Variants in RTN1 observed in about 807,000 individuals in gnomAD.
RTN1 encodes the protein reticulon-1.
A neutral mutation model predicts 65.5 loss-of-function variants in RTN1; 25 were observed. The observed-to-expected ratio is 0.38, with a 90% CI of 0.28 to 0.53. The LOEUF is 0.53. Among genes scored for constraint, RTN1 ranks in the 20% least tolerant of loss-of-function variants. The pLI, the probability that RTN1 is intolerant of heterozygous loss-of-function variation, is 0.79. For missense variants in RTN1, 983 were observed against 1,025.4 expected, an observed-to-expected ratio of 0.96 and a Z score of 0.57; for synonymous variants, 471 against 447.6, an observed-to-expected ratio of 1.05 and a Z score of -0.66.
At chr14:59,704,214 T>C (rs10138093) in intron 3 of RTN1, among the ~76,000 whole-genome samples, 63,355 of 152,000 alleles carry the variant, frequency 0.42, 13,763 homozygotes, top group African/African-American at 0.53. Context: ...TCCAGGGACT[T>C]GCAGTCCCAG....
intron 3 of RTN1, among the ~76,000 whole-genome samples, chr14:59,726,203 G>A (rs985825613): frequency 6.6e-6 from 1 of 152,184 alleles, no homozygotes; most frequent in African/African-American, 2.4e-5. Context: ...GAAAACAAAT[G>A]ACTTCCATTT....
intron 2 of RTN1, among the ~76,000 whole-genome samples, chr14:59,728,576 T>A (rs1391357046): frequency 6.6e-6 from 1 of 152,106 alleles, no homozygotes; most frequent in Non-Finnish European, 1.5e-5. Context: ...ATGACAACAG[T>A]GTTCAAGAGT....
intron 3 of RTN1, among the ~76,000 whole-genome samples, chr14:59,717,916 T>A (rs1164809954): frequency 2.0e-5 from 3 of 152,188 alleles, no homozygotes; most frequent in Non-Finnish European, 4.4e-5. Flanking sequence ...GTTCTCTGCC[T>A]ACAATTAACT....
At chr14:59,799,978 T>A (rs1202996821) in intron 1 of RTN1, among the ~76,000 whole-genome samples, 1 of 152,066 alleles carries the variant, frequency 6.6e-6, no homozygotes, top group African/African-American at 2.4e-5. Context: ...AGAATTCCTA[T>A]CTCCACCCCC....
At chr14:59,772,716 T>C (rs1284356845) in intron 1 of RTN1, among the ~76,000 whole-genome samples, 3 of 152,156 alleles carry the variant, frequency 2.0e-5, no homozygotes, top group South Asian at 2.1e-4. Flanking sequence ...ACGAGGCTCA[T>C]AGTCTTTGTC....
intron 3 of RTN1, among the ~76,000 whole-genome samples, chr14:59,723,262 AGAC>A (rs1884684752): frequency 6.6e-6 from 1 of 152,208 alleles, no homozygotes; most frequent in Non-Finnish European, 1.5e-5. Flanking sequence ...TTTGGCAAGA[AGAC>A]AGTCAGTTTC....
chr14:59,844,364 TCTCA>T (rs1594764447), intron 1 of RTN1, among the ~76,000 whole-genome samples: 1 of 152,228 alleles, frequency 6.6e-6, no homozygotes, highest in Non-Finnish European at 1.5e-5. Flanking sequence ...GCTAATTTTT[TCTCA>T]CTGTCTCGAA....
intron 3 of RTN1, among the ~76,000 whole-genome samples, chr14:59,705,250 C>G (rs1049196820): frequency 2.0e-5 from 3 of 152,286 alleles, no homozygotes; most frequent in Non-Finnish European, 2.9e-5. Context: ...CCCTCTACCC[C>G]CTACCCCAAC....
At chr14:59,639,566 A>G (rs867620577) in intron 3 of RTN1, among the ~76,000 whole-genome samples, 1 of 152,290 alleles carries the variant, frequency 6.6e-6, no homozygotes, top group African/African-American at 2.4e-5. Flanking sequence ...CCTCCAGTAT[A>G]ATGATGAGTA....
intron 3 of RTN1, among the ~76,000 whole-genome samples, chr14:59,679,395 A>T (rs1490884896): frequency 6.6e-6 from 1 of 152,144 alleles, no homozygotes; most frequent in Non-Finnish European, 1.5e-5. Context: ...AAGGCTAGAG[A>T]CTGGAGCTCT....
chr14:59,721,669 GTTGTGTAC>G (rs1348916821), intron 3 of RTN1, among the ~76,000 whole-genome samples: 2 of 152,162 alleles, frequency 1.3e-5, no homozygotes, highest in African/African-American at 4.8e-5. Flanking sequence ...TGGGTCACTG[GTTGTGTAC>G]TTTAGGGTTC....
At chr14:59,635,650 GAAA>G in intron 3 of RTN1, among the ~76,000 whole-genome samples, 1 of 152,122 alleles carries the variant, frequency 6.6e-6, no homozygotes, top group Middle Eastern at 3.4e-3. Flanking sequence ...CAGCGGAAAA[GAAA>G]ATAATTAGAA....
chr14:59,758,365 C>T (rs1353322957), intron 1 of RTN1, among the ~76,000 whole-genome samples: 1 of 152,188 alleles, frequency 6.6e-6, no homozygotes, highest in Non-Finnish European at 1.5e-5. Flanking sequence ...CTTTGCCCAT[C>T]CCTTGGCTTA....
intron 1 of RTN1, among the ~76,000 whole-genome samples, chr14:59,762,501 T>C (rs933469704): frequency 4.6e-5 from 7 of 152,142 alleles, no homozygotes; most frequent in African/African-American, 1.2e-4. Flanking sequence ...CAGCCAGAAG[T>C]GGCAGAAGCA....
rs943761270 is a variant in RTN1, at chr14:59,848,417, T to G, written c.241+21973A>C. ...TTAACAGAATTCCTTTATCATCAGA[T>G]AGTTTTAATCATAACTGTCAAGAAT... On this transcript the variant is annotated intron_variant, in intron 1 of 8. Coordinates refer to ENST00000267484, the MANE Select transcript of RTN1 (RefSeq NM_021136.3). Among the ~76,000 whole-genome samples, 3 of 152,250 alleles carry G rather than the reference T, an allele frequency of 2.0e-5. No individual in the cohort carries two copies. The East Asian group carries it at 5.8e-4, about 29-fold the overall frequency.
At chr14:59,839,082 T>C (rs1406188621) in intron 1 of RTN1, among the ~76,000 whole-genome samples, 2 of 152,180 alleles carry the variant, frequency 1.3e-5, no homozygotes, top group Non-Finnish European at 2.9e-5. Context: ...TCCAGAGTTC[T>C]CTCAAGTTGA....
At position 59,648,448 on chromosome 14, in the gene RTN1, A is replaced by C. The variant is rs1882948993; in HGVS notation, c.1766-40956T>G. 2.0e-5 allele frequency among the ~76,000 whole-genome samples: 3 copies of C among 152,228 alleles called. No homozygotes were observed. In the South Asian group the frequency reaches 6.2e-4, roughly 31 times the overall value. On this transcript the variant is annotated intron_variant, in intron 3 of 8. Transcript: ENST00000267484. ...CCTCCCCAACTAATTCTGTGAGGCC[A>C]GCATCATCCTGAAACCAAAACCTGG...
intron 3 of RTN1, among the ~76,000 whole-genome samples, chr14:59,682,135 C>T (rs10151911): frequency 0.019 from 2,876 of 152,216 alleles, 97 homozygotes; most frequent in African/African-American, 0.064. Flanking sequence ...ACATACTTTC[C>T]AGAAAAATGG....
intron 1 of RTN1, among the ~76,000 whole-genome samples, chr14:59,831,235 G>A (rs766707844): frequency 6.6e-6 from 1 of 152,230 alleles, no homozygotes; most frequent in Middle Eastern, 3.2e-3. Context: ...TTATGAAGAT[G>A]TTTTCGGATG....
Sources: allele counts gnomAD v4.1 joint callset (sites outside exome capture counted in the v4.1 genomes callset), GRCh38; gene constraint gnomAD v4.1.1; transcripts MANE v1.5; gene names NCBI Gene and HGNC (gene_info 2026-07-23, HGNC 2026-07-21).